STX7: variants seen among roughly 807,000 people sequenced by gnomAD.
The protein encoded by STX7 is syntaxin-7.
In STX7, 34 loss-of-function variants were observed where a neutral mutation model predicts 39.6. The ratio of observed to expected loss-of-function variants is 0.86; its 90% CI spans 0.65 to 1.14. The LOEUF (loss-of-function observed/expected upper bound fraction) is 1.14, where lower values mean the gene tolerates loss of function less well. STX7 is among the 50% of genes most tolerant of loss of function. The pLI is 0.00. For synonymous variants in STX7, 119 were observed against 99.1 expected, an observed-to-expected ratio of 1.20 and a Z score of -1.19; for missense variants, 284 against 310.4, an observed-to-expected ratio of 0.92 and a Z score of 0.64.
intron 2 of STX7, among the ~76,000 whole-genome samples, chr6:132,477,682 A>G (rs1459682997): frequency 1.3e-5 from 2 of 152,178 alleles, no homozygotes; most frequent in African/African-American, 4.8e-5. Flanking sequence ...AGAGGAAAAT[A>G]TTGACAAATT....
At chr6:132,501,062 CTT>C (rs765134328) in intron 2 of STX7, among the ~76,000 whole-genome samples, 10 of 143,676 alleles carry the variant, frequency 7.0e-5, no homozygotes, top group Non-Finnish European at 6.1e-5. Context: ...CAGTCCCTGT[CTT>C]TTTTTTTTTT....
chr6:132,485,486 C>A (rs890423160), intron 2 of STX7, among the ~76,000 whole-genome samples: 3 of 152,150 alleles, frequency 2.0e-5, no homozygotes, highest in African/African-American at 4.8e-5. Flanking sequence ...ATATGCCCTA[C>A]AAGTCTTTGT....
chr6:132,495,750 T>C (rs887663486), intron 2 of STX7, among the ~76,000 whole-genome samples: 1 of 152,152 alleles, frequency 6.6e-6, no homozygotes, highest in Non-Finnish European at 1.5e-5. Context: ...AAAAGAACTG[T>C]GATCATTCTA....
At chr6:132,468,669 A>C (rs1489727691) in intron 7 of STX7, among the ~76,000 whole-genome samples, 194 bp from the exon 8 acceptor site, 1 of 152,112 alleles carries the variant, frequency 6.6e-6, no homozygotes, top group Admixed American at 6.5e-5. Context: ...AACAATAGCC[A>C]CCAGTTCTCT....
chr6:132,484,033 T>C (rs1045694751), intron 2 of STX7, among the ~76,000 whole-genome samples: 8 of 145,298 alleles, frequency 5.5e-5, no homozygotes, highest in African/African-American at 2.3e-4. Context: ...ATAAAAAGAA[T>C]TAAGAATAAA....
intron 2 of STX7, among the ~76,000 whole-genome samples, chr6:132,501,034 T>C (rs1775545724): frequency 6.6e-6 from 1 of 152,066 alleles, no homozygotes. Flanking sequence ...ATGGTGACTG[T>C]ACCTTCACCT....
intron 7 of STX7, among the ~76,000 whole-genome samples, chr6:132,469,144 T>C (rs1392115157): frequency 6.6e-6 from 1 of 152,230 alleles, no homozygotes; most frequent in Non-Finnish European, 1.5e-5. Flanking sequence ...GTAGCCATTG[T>C]TAGCTATTAT....
rs1222863102 is a variant in STX7, at chr6:132,447,452, G to A, written c.*13306C>T. On this transcript the variant is annotated 3_prime_UTR_variant, in exon 10 of 10. Transcript: ENST00000367941. ...CACATGCTCTAAATTGGGGGAACAT[G>A]ATCCTTTATGTATTAATTGAATCAA... The A allele has an allele frequency of 6.6e-6, 1 of 152,148 alleles. No homozygotes were observed. The highest frequency in any genetic ancestry group is 1.5e-5 in the Non-Finnish European group (1 of 68,010). 9.4% of individuals were successfully genotyped at this position (152,148 alleles called of 1,614,324 possible).
intron 3 of STX7, among the ~76,000 whole-genome samples, chr6:132,473,996 G>A (rs1316592390): frequency 6.6e-6 from 1 of 152,016 alleles, no homozygotes; most frequent in Non-Finnish European, 1.5e-5. Flanking sequence ...CTGGGAGGGT[G>A]AGGTGGGTGG....
intron 2 of STX7, among the ~76,000 whole-genome samples, chr6:132,493,585 T>C (rs7775451): frequency 0.033 from 5,098 of 152,306 alleles, 299 homozygotes; most frequent in African/African-American, 0.11. Flanking sequence ...TCTTCCGCCA[T>C]GATTGTGAGG....
At chr6:132,496,554 G>C (rs1456162225) in intron 2 of STX7, among the ~76,000 whole-genome samples, 1 of 152,132 alleles carries the variant, frequency 6.6e-6, no homozygotes, top group African/African-American at 2.4e-5. Context: ...TTATGAGCAT[G>C]CATTATGGAT....
In STX7 at chr6:132,503,525, AG is replaced by A. The variant is rs1268143661; in HGVS notation, c.5del (p.Ser2PhefsTer35). On this transcript the variant is annotated frameshift_variant, in exon 2 of 10. Transcript: ENST00000367941. LOFTEE classifies it high-confidence loss of function. M[S>X]YTPGVGGDPA... ...GGTCACCACCAACTCCTGGAGTGTA[AG>A]ACATGGTTGATGTTCTTATTCGCTA... is the stretch of plus-strand genomic sequence containing the variant. 1 of 1,613,652 alleles carries A rather than the reference AG, an allele frequency of 6.2e-7. No homozygotes were observed. Among genetic ancestry groups the A allele is most frequent in the African/African-American group, 1.3e-5 (1 of 74,910 alleles).
chr6:132,467,675 G>A (rs1774596415), intron 8 of STX7, among the ~76,000 whole-genome samples: 2 of 152,038 alleles, frequency 1.3e-5, no homozygotes, highest in South Asian at 4.1e-4. Flanking sequence ...TACAGAGGAG[G>A]GTAAGAATGG....
chr6:132,475,669 T>C lies in STX7; in HGVS notation c.86-7A>G, dbSNP rs748426204. On this transcript the variant is annotated splice_region_variant and splice_polypyrimidine_tract_variant and intron_variant, in intron 2 of 9. Transcript: ENST00000367941. The stretch of plus-strand genomic sequence containing the variant: ...GTTCTTTGTATTTCCACAGCTATTA[T>C]AATAGAAAATTCATGTATTAATTGT... The C allele has an allele frequency of 1.3e-6, 2 of 1,587,392 alleles. No individual in the cohort carries two copies. Among genetic ancestry groups the C allele is most frequent in the South Asian group, 1.2e-5 (1 of 86,814 alleles).
intron 9 of STX7, among the ~76,000 whole-genome samples, chr6:132,463,423 T>C (rs1774469137): frequency 6.6e-6 from 1 of 152,176 alleles, no homozygotes; most frequent in Non-Finnish European, 1.5e-5. Context: ...TAATTTATAT[T>C]TGACACATGC....
At chr6:132,501,712 T>C (rs1214961891) in intron 2 of STX7, among the ~76,000 whole-genome samples, 1 of 152,200 alleles carries the variant, frequency 6.6e-6, no homozygotes, top group African/African-American at 2.4e-5. Context: ...CACAGGATGC[T>C]TATCCTCTTC....
chr6:132,501,465 T>C (rs578201464), intron 2 of STX7, among the ~76,000 whole-genome samples: 74 of 152,276 alleles, frequency 4.9e-4, no homozygotes, highest in African/African-American at 1.6e-3. Flanking sequence ...GCTACCAACC[T>C]GCCATAAATA....
chr6:132,495,142 C>A lies in STX7; in HGVS notation c.85+8304G>T, dbSNP rs549842131. ...GATAGGAGAGTGAGGGATAAAGCTC[C>A]TTGAAGCATCTTGGAGCCACATCTT... On this transcript the variant is annotated intron_variant, in intron 2 of 9. Transcript: ENST00000367941. Among the ~76,000 whole-genome samples, 22 of 152,266 alleles carry A rather than the reference C, an allele frequency of 1.4e-4. No individual in the cohort carries two copies. In the South Asian group the frequency reaches 1.5e-3, roughly 10 times the overall value.
rs780816032 is a variant in STX7 at position 132,459,001 on chromosome 6, G to A, written c.*1757C>T. On this transcript the variant is annotated 3_prime_UTR_variant, in exon 10 of 10. Coordinates refer to ENST00000367941, the MANE Select transcript of STX7 (RefSeq NM_003569.3). Reference sequence around the variant, plus strand: ...TTTTATCAAGTACAGCAAAAAAAACGGAACTGATTGTGAAAGCCATGGGGA... The same window carrying A: ...TTTTATCAAGTACAGCAAAAAAAACAGAACTGATTGTGAAAGCCATGGGGA... The A allele has an allele frequency of 2.0e-5, 3 of 152,088 alleles. No homozygotes were observed. Among genetic ancestry groups the A allele is most frequent in the African/African-American group, 2.4e-5 (1 of 41,420 alleles). 9.4% of individuals were successfully genotyped at this position (152,088 alleles called of 1,614,324 possible).
Sources: allele counts gnomAD v4.1 joint callset (sites outside exome capture counted in the v4.1 genomes callset), GRCh38; gene constraint gnomAD v4.1.1; transcripts MANE v1.5; gene names NCBI Gene and HGNC (gene_info 2026-07-23, HGNC 2026-07-21).